PPP1R1C: variants seen among roughly 807,000 people sequenced by gnomAD.
PPP1R1C encodes protein phosphatase 1 regulatory subunit 1C.
A neutral mutation model predicts 17.4 loss-of-function variants in PPP1R1C; 15 were observed. The ratio of observed to expected loss-of-function variants is 0.86; its 90% CI spans 0.58 to 1.33. PPP1R1C has a LOEUF of 1.33. PPP1R1C is among the 40% of genes most tolerant of loss of function. PPP1R1C has a pLI of 0.00. For missense variants in PPP1R1C, 143 were observed against 130.0 expected, an observed-to-expected ratio of 1.10 and a Z score of -0.48; for synonymous variants, 35 against 43.1, an observed-to-expected ratio of 0.81 and a Z score of 0.73.
chr2:182,083,987 G>T (rs891264227), intron 4 of PPP1R1C, among the ~76,000 whole-genome samples: 1 of 152,148 alleles, frequency 6.6e-6, no homozygotes, highest in Admixed American at 6.5e-5. Context: ...TTTCATTGTG[G>T]TTTTAATCTG....
At chr2:182,004,181 G>C (rs939872085) in intron 2 of PPP1R1C, among the ~76,000 whole-genome samples, 2 of 152,108 alleles carry the variant, frequency 1.3e-5, no homozygotes, top group Non-Finnish European at 2.9e-5. Flanking sequence ...CTGTGTTTAG[G>C]GGCAGACATC....
At chr2:181,978,892 G>C (rs563141327) in intron 2 of PPP1R1C, among the ~76,000 whole-genome samples, 65 of 152,184 alleles carry the variant, frequency 4.3e-4, no homozygotes, top group Admixed American at 9.2e-4. Context: ...CCCTAACTGA[G>C]CCTAGCTTTT....
intron 2 of PPP1R1C, among the ~76,000 whole-genome samples, chr2:182,038,984 C>A (rs1687100767): frequency 6.6e-6 from 1 of 152,144 alleles, no homozygotes; most frequent in Non-Finnish European, 1.5e-5. Context: ...ACTGTGTAAG[C>A]TGTTATTGAA....
At chr2:182,055,323 C>G (rs1444401576) in intron 2 of PPP1R1C, among the ~76,000 whole-genome samples, 1 of 152,154 alleles carries the variant, frequency 6.6e-6, no homozygotes, top group Non-Finnish European at 1.5e-5. Flanking sequence ...AATATTCCCT[C>G]TATATAGGTT....
intron 4 of PPP1R1C, among the ~76,000 whole-genome samples, chr2:182,100,017 C>T (rs1689051782): frequency 6.6e-6 from 1 of 152,136 alleles, no homozygotes. Flanking sequence ...TTCTCTATTA[C>T]CTCAGTTGTG....
At chr2:182,124,068 A>G (rs1185183648) in intron 5 of PPP1R1C, among the ~76,000 whole-genome samples, 1 of 152,214 alleles carries the variant, frequency 6.6e-6, no homozygotes, top group Non-Finnish European at 1.5e-5. Context: ...AGCTTTCTGC[A>G]TATGGCTAGC....
intron 5 of PPP1R1C, chr2:182,128,835 T>C (rs964715235): frequency 1.3e-5 from 2 of 152,142 alleles, no homozygotes; most frequent in Non-Finnish European, 2.9e-5. Flanking sequence ...GATAATTGAC[T>C]CTATCCTAGC....
chr2:182,050,857 C>T (rs187649435), intron 2 of PPP1R1C, among the ~76,000 whole-genome samples: 59 of 152,314 alleles, frequency 3.9e-4, no homozygotes, highest in Non-Finnish European at 1.9e-4. Context: ...ACTCTGCATA[C>T]ATTTCCTAGA....
intron 2 of PPP1R1C, among the ~76,000 whole-genome samples, chr2:182,051,644 TGCCTTAGAAAACAATTAGA>T (rs141981965): frequency 0.042 from 6,430 of 152,288 alleles, 413 homozygotes; most frequent in Admixed American, 0.18. Flanking sequence ...TGAGTCCCAC[TGCCTTAGAAAACAATTAGA>T]CAACACTTCT....
At chr2:182,018,056 T>C (rs1489435273) in intron 2 of PPP1R1C, among the ~76,000 whole-genome samples, 1 of 152,198 alleles carries the variant, frequency 6.6e-6, no homozygotes, top group Non-Finnish European at 1.5e-5. Context: ...TTTCTATTGA[T>C]TTCCTTCAAA....
Position 181,961,942 on chromosome 2 carries a change from C to T in PPP1R1C, n.111+7308C>T. ...CCTTGTGGAGCCCATGGATGTCACT[C>T]CCCACAGACGGGTGCATGGCCAGCT... On this transcript the variant is annotated intron_variant and non_coding_transcript_variant, in intron 1 of 5. Coordinates refer to the PPP1R1C transcript ENST00000464264. This position sits in a 1 kb window ranked among gnomAD's most constrained non-coding sequence, Gnocchi z 5.8. 1 of 741,484 alleles carries T rather than the reference C, an allele frequency of 1.3e-6. No individual in the cohort carries two copies. Among genetic ancestry groups the T allele is most frequent in the Non-Finnish European group, 2.5e-6 (1 of 402,974 alleles). The allele number at this position is 741,484 out of a possible 1,614,324, so 45.9% of individuals were successfully genotyped here. A position where few individuals can be genotyped will look rare whatever the true frequency, so the allele number is the denominator to read the frequency against.
At chr2:181,977,857 A>G (rs541500505) in intron 2 of PPP1R1C, among the ~76,000 whole-genome samples, 2 of 152,284 alleles carry the variant, frequency 1.3e-5, no homozygotes, top group South Asian at 2.1e-4. Context: ...CTTCACTCAC[A>G]TGTCTCATGG....
chr2:181,998,129 G>A (rs1685665914), intron 2 of PPP1R1C, among the ~76,000 whole-genome samples: 1 of 152,192 alleles, frequency 6.6e-6, no homozygotes, highest in South Asian at 2.1e-4. Context: ...CTTAGAATCA[G>A]TGAACATGGG....
At chr2:182,087,312 C>G (rs1385829640) in intron 4 of PPP1R1C, among the ~76,000 whole-genome samples, 1 of 152,212 alleles carries the variant, frequency 6.6e-6, no homozygotes, top group Admixed American at 6.5e-5. Flanking sequence ...GCCTGCCACT[C>G]TCCCACCAGC....
At chr2:182,049,040 T>C (rs1687427652) in intron 2 of PPP1R1C, 1 of 152,148 alleles carries the variant, frequency 6.6e-6, no homozygotes, top group African/African-American at 2.4e-5. Context: ...TATGATTAAA[T>C]CTCTGAGGCA....
chr2:182,101,815 C>T (rs989217008), intron 4 of PPP1R1C, among the ~76,000 whole-genome samples: 14 of 152,086 alleles, frequency 9.2e-5, no homozygotes, highest in African/African-American at 2.9e-4. Flanking sequence ...TTCTCAAAGC[C>T]CTGTTACTGC....
At chr2:182,072,888 A>G (rs1224111442) in intron 4 of PPP1R1C, among the ~76,000 whole-genome samples, 4 of 152,198 alleles carry the variant, frequency 2.6e-5, no homozygotes. Flanking sequence ...CTGACCACAC[A>G]AATCTGACTG....
In PPP1R1C at chr2:182,072,868, T is replaced by C. The variant is rs181805703; in HGVS notation, c.241+9077T>C. 2.5e-4 allele frequency among the ~76,000 whole-genome samples: 38 copies of C among 152,318 alleles called. 1 individual carries two copies. The highest frequency in any genetic ancestry group is 1.3e-3 in the Admixed American group (20 of 15,302). ...TGTCTGTCTCCAGCTTCTCTCCCTC[T>C]CCCAGACAGCTGACCACACAAATCT... On this transcript the variant is annotated intron_variant, in intron 4 of 4. Coordinates refer to ENST00000682840, the MANE Select transcript of PPP1R1C (RefSeq NM_001080545.3).
At chr2:182,037,794 A>C (rs910223568) in intron 2 of PPP1R1C, among the ~76,000 whole-genome samples, 3 of 152,154 alleles carry the variant, frequency 2.0e-5, no homozygotes, top group African/African-American at 7.2e-5. Context: ...ACATCTCAGT[A>C]ACCTAAAATG....
Sources: allele counts gnomAD v4.1 joint callset (sites outside exome capture counted in the v4.1 genomes callset), GRCh38; gene constraint gnomAD v4.1.1; non-coding constraint Gnocchi (gnomAD v3.1); transcripts MANE v1.5; gene names NCBI Gene and HGNC (gene_info 2026-07-23, HGNC 2026-07-21).